The following DNAH7 variants were observed in gnomAD, a reference collection of about 807,000 sequenced individuals.
DNAH7 encodes the protein dynein axonemal heavy chain 7, also known as axonemal beta dynein heavy chain 7.
In DNAH7, 397 loss-of-function variants were observed where a neutral mutation model predicts 444.6. The ratio of observed to expected loss-of-function variants is 0.89; its 90% CI spans 0.82 to 0.97. DNAH7 has a LOEUF of 0.97. Ranked by LOEUF, DNAH7 falls within the 50% of genes least tolerant of loss-of-function variation. DNAH7 has a pLI of 0.00. For synonymous variants in DNAH7, 1,636 were observed against 1,624.4 expected, an observed-to-expected ratio of 1.01 and a Z score of -0.17; for missense variants, 4,902 against 4,800.8, an observed-to-expected ratio of 1.02 and a Z score of -0.62.
intron 35 of DNAH7, among the ~76,000 whole-genome samples, chr2:195,883,997 A>C (rs1313120649): frequency 6.6e-6 from 1 of 152,246 alleles, no homozygotes; most frequent in Non-Finnish European, 1.5e-5. Flanking sequence ...TCTCATTAAG[A>C]AAACAAGAAG....
intron 21 of DNAH7, among the ~76,000 whole-genome samples, chr2:195,931,236 T>C (rs1042531442): frequency 6.6e-6 from 1 of 152,012 alleles, no homozygotes; most frequent in East Asian, 1.9e-4. Flanking sequence ...TTTTGAGAAG[T>C]GTCTGTTCAT....
intron 1 of DNAH7, 52 bp downstream of exon 1, chr2:196,068,645 G>C: frequency 6.5e-7 from 1 of 1,549,352 alleles, no homozygotes; most frequent in East Asian, 2.4e-5. Flanking sequence ...CTTCCGAAAC[G>C]CCTGGGAAGC....
At chr2:195,989,807 C>T (rs2125643008) in intron 12 of DNAH7, among the ~76,000 whole-genome samples, 1 of 152,268 alleles carries the variant, frequency 6.6e-6, no homozygotes, top group South Asian at 2.1e-4. Flanking sequence ...CCTGCTCCTG[C>T]CACGTGAGAC....
At chr2:196,046,591 C>T (rs1034330097) in intron 5 of DNAH7, among the ~76,000 whole-genome samples, 46 of 152,092 alleles carry the variant, frequency 3.0e-4, no homozygotes, top group African/African-American at 8.7e-4. Context: ...AAAGCAAACT[C>T]GAAACCACTC....
At position 196,048,399 on chromosome 2, in the gene DNAH7, A is replaced by G. The variant is rs1293208876; in HGVS notation, c.147T>C (p.Ser49=). ...ARALPQLSMV[S]TKPHWQQAAP... ...CTGCCTGCTGCCAGTGGGGCTTTGT[A>G]CTCACCTAAAATACAAAATTTAAAT... The change falls in exon 4 of 65, where the codon AGT becomes AGC. Residue 49 remains serine (S), a synonymous_variant. Coordinates refer to ENST00000312428, the MANE Select transcript of DNAH7 (RefSeq NM_018897.3). 6.2e-7 allele frequency: 1 copy of G among 1,612,868 alleles called. No homozygotes were observed. Among genetic ancestry groups the G allele is most frequent in the African/African-American group, 1.3e-5 (1 of 74,940 alleles).
chr2:195,959,440 G>A (rs1690926771), intron 18 of DNAH7, among the ~76,000 whole-genome samples: 1 of 150,986 alleles, frequency 6.6e-6, no homozygotes, highest in African/African-American at 2.4e-5. Context: ...TTTCAGAGTA[G>A]TTTAAAAATT....
intron 5 of DNAH7, among the ~76,000 whole-genome samples, chr2:196,046,151 G>A (rs955090730): frequency 6.6e-6 from 1 of 152,074 alleles, no homozygotes; most frequent in Non-Finnish European, 1.5e-5. Context: ...GAGCTTACAA[G>A]AAAGAAACAG....
chr2:196,057,170 A>C lies in DNAH7; in HGVS notation c.78+884T>G, dbSNP rs113803828. Among the ~76,000 whole-genome samples, 347 of 152,168 alleles carry C rather than the reference A, an allele frequency of 2.3e-3. 2 individuals are homozygous for C. The highest frequency in any genetic ancestry group is 7.8e-3 in the African/African-American group (323 of 41,410). On this transcript the variant is annotated intron_variant, in intron 2 of 64. Transcript: ENST00000312428. ...TTTTTAAATACCTCTTAAAAATCTA[A>C]TTTCTTTTAAAAGACATAAAACTCA...
intron 63 of DNAH7, among the ~76,000 whole-genome samples, chr2:195,751,350 G>A (rs1039858010): frequency 3.9e-5 from 6 of 152,050 alleles, no homozygotes; most frequent in South Asian, 4.2e-4. Context: ...TAACAGGTTG[G>A]GTTCGAGTCC....
intron 1 of DNAH7, among the ~76,000 whole-genome samples, chr2:196,062,554 C>A (rs924089964): frequency 6.6e-6 from 1 of 152,210 alleles, no homozygotes; most frequent in Non-Finnish European, 1.5e-5. Context: ...TCTCACACAT[C>A]ATCATTTTAG....
chr2:195,814,666 C>G (rs1480319284), intron 51 of DNAH7, among the ~76,000 whole-genome samples: 1 of 152,132 alleles, frequency 6.6e-6, no homozygotes, highest in African/African-American at 2.4e-5. Flanking sequence ...GAAATTAAGA[C>G]CAGTAGTGAA....
chr2:196,043,924 G>T (rs537133771), intron 5 of DNAH7, among the ~76,000 whole-genome samples: 1 of 151,918 alleles, frequency 6.6e-6, no homozygotes, highest in African/African-American at 2.4e-5. Context: ...GCGTGGATGT[G>T]TTGAAAAGGG....
At position 195,910,143 on chromosome 2, in the gene DNAH7, C is replaced by G. The variant is rs762610559; in HGVS notation, c.3988G>C (p.Ala1330Pro). 2 of 1,613,654 alleles carry G rather than the reference C, an allele frequency of 1.2e-6. No individual in the cohort carries two copies. Among genetic ancestry groups the G allele is most frequent in the Non-Finnish European group, 1.7e-6 (2 of 1,179,744 alleles). Residue 1330 changes from alanine to proline, a missense_variant, in exon 25 of 65, where the codon GCT becomes CCT. Physicochemically the swap from Ala to Pro is conservative, Grantham distance 27 (BLOSUM62 -1). Coordinates refer to ENST00000312428, the MANE Select transcript of DNAH7 (RefSeq NM_018897.3). ...LHLGGAPEGP[A>P]GTGKTETTKD... ...GTAGTTTCAGTCTTCCCAGTGCCAG[C>G]TGGACCCTCAGGTGCTCCTCCAAGG...
intron 1 of DNAH7, among the ~76,000 whole-genome samples, chr2:196,059,658 G>C (rs945909771): frequency 1.3e-5 from 2 of 152,188 alleles, no homozygotes; most frequent in African/African-American, 4.8e-5. Flanking sequence ...CCTCCAGCAA[G>C]TTTCGCCAGC....
chr2:195,956,692 T>C (rs1001544887), intron 19 of DNAH7, among the ~76,000 whole-genome samples: 3 of 151,940 alleles, frequency 2.0e-5, no homozygotes, highest in Non-Finnish European at 2.9e-5. Flanking sequence ...AAAAACGTAC[T>C]TTTTTTTAGT....
intron 47 of DNAH7, among the ~76,000 whole-genome samples, chr2:195,841,390 A>G (rs1195271824): frequency 6.6e-6 from 1 of 151,862 alleles, no homozygotes; most frequent in African/African-American, 2.4e-5. Context: ...TTAATGTAAC[A>G]TCTTTTTTAT....
intron 19 of DNAH7, among the ~76,000 whole-genome samples, chr2:195,951,158 T>A (rs1369366756): frequency 6.6e-6 from 1 of 152,180 alleles, no homozygotes; most frequent in African/African-American, 2.4e-5. Context: ...CTCATCGGCT[T>A]CAAAGAACTT....
chr2:195,929,541 C>T (rs1470781688), intron 21 of DNAH7, among the ~76,000 whole-genome samples: 1 of 152,102 alleles, frequency 6.6e-6, no homozygotes, highest in Non-Finnish European at 1.5e-5. Flanking sequence ...AATAATGGAA[C>T]AAAATAGGGA....
chr2:195,900,669 G>T, intron 27 of DNAH7, 175 bp from the exon 28 acceptor site: 1 of 565,476 alleles, frequency 1.8e-6, no homozygotes, highest in South Asian at 2.4e-5. Context: ...GGGGCAATGG[G>T]GAGAGGCTGG....
Sources: allele counts gnomAD v4.1 joint callset (sites outside exome capture counted in the v4.1 genomes callset), GRCh38; gene constraint gnomAD v4.1.1; transcripts MANE v1.5; gene names NCBI Gene and HGNC (gene_info 2026-07-23, HGNC 2026-07-21).